Variants in VPS13B observed in about 807,000 individuals in gnomAD.
VPS13B encodes the protein vacuolar protein sorting 13 homolog B, also known as intermembrane lipid transfer protein VPS13B.
A neutral mutation model predicts 426.4 loss-of-function variants in VPS13B; 285 were observed. That is an observed-to-expected ratio of 0.67 (90% confidence interval 0.61 to 0.74). The LOEUF (loss-of-function observed/expected upper bound fraction) is 0.74. VPS13B is among the 30% of genes least tolerant of loss of function. VPS13B has a pLI of 0.00. For synonymous variants in VPS13B, 1,676 were observed against 1,676.4 expected (o/e 1.00, Z 0.01); for missense variants, 4,537 against 4,782.6 (o/e 0.95, Z 1.51).
intron 17 of VPS13B, among the ~76,000 whole-genome samples, chr8:99,255,795 A>C (rs1817715686): frequency 6.6e-6 from 1 of 151,866 alleles, no homozygotes; most frequent in African/African-American, 2.4e-5. Context: ...AGGTTGGTAA[A>C]ATTTTTGACT....
At chr8:99,696,689 A>G in intron 35 of VPS13B, 1 of 779,146 alleles carries the variant, frequency 1.3e-6, no homozygotes, top group Admixed American at 1.7e-5. Context: ...AGAACATAGC[A>G]GCCAAGGGCA....
intron 29 of VPS13B, among the ~76,000 whole-genome samples, chr8:99,514,639 A>G (rs750557872): frequency 6.6e-6 from 1 of 152,210 alleles, no homozygotes; most frequent in Non-Finnish European, 1.5e-5. Flanking sequence ...GCTGAATAAT[A>G]TTGTTTTGTA....
In VPS13B at chr8:99,511,395, G is replaced by C; in HGVS notation, c.4516G>C (p.Gly1506Arg). 6.2e-7 allele frequency: 1 copy of C among 1,613,788 alleles called. No individual in the cohort carries two copies. Among genetic ancestry groups the C allele is most frequent in the Non-Finnish European group, 8.5e-7 (1 of 1,179,958 alleles). ...KTQKEKRKSP[G>R]QPMRTHTLTS... is the part of the protein sequence containing the mutation. ...CCAAAAAGAGAAAAGAAAATCTCCTGGTCAGCCCATGAGGACCCATACACT... is the reference window on the plus strand; with the variant it reads ...CCAAAAAGAGAAAAGAAAATCTCCTCGTCAGCCCATGAGGACCCATACACT... Residue 1506 changes from glycine (G) to arginine (R), a missense_variant, in exon 29 of 62, where the codon GGT becomes CGT. Transcript: ENST00000357162.
At chr8:99,308,232 A>C (rs913358102) in intron 19 of VPS13B, among the ~76,000 whole-genome samples, 16 of 151,654 alleles carry the variant, frequency 1.1e-4, no homozygotes, top group African/African-American at 3.9e-4. Flanking sequence ...CACAACGTGC[A>C]GGTTAGTTAC....
intron 43 of VPS13B, chr8:99,796,905 G>A (rs1012165913): frequency 6.6e-6 from 1 of 152,194 alleles, no homozygotes; most frequent in East Asian, 1.9e-4. Flanking sequence ...AAGGCCTATT[G>A]AACCTGGGCT....
intron 31 of VPS13B, among the ~76,000 whole-genome samples, chr8:99,569,371 G>T (rs924405766): frequency 4.0e-5 from 6 of 151,480 alleles, no homozygotes; most frequent in Non-Finnish European, 8.8e-5. Context: ...AGAGGTTGCA[G>T]TGAGCCAAGA....
intron 23 of VPS13B, among the ~76,000 whole-genome samples, chr8:99,451,122 A>T (rs1818176190): frequency 6.6e-6 from 1 of 152,190 alleles, no homozygotes; most frequent in African/African-American, 2.4e-5. Flanking sequence ...TGTAAAAATG[A>T]CATAAATTTG....
chr8:99,281,207 G>T (rs1819152086), intron 19 of VPS13B, among the ~76,000 whole-genome samples: 1 of 152,220 alleles, frequency 6.6e-6, no homozygotes. Context: ...CTGCTGATCT[G>T]ACAGGAGGCA....
intron 3 of VPS13B, among the ~76,000 whole-genome samples, chr8:99,083,578 A>T (rs777995498): frequency 4.7e-4 from 67 of 142,920 alleles, no homozygotes; most frequent in Admixed American, 1.2e-3. Context: ...ATTCAATATG[A>T]TGTTGGCTGT....
chr8:99,802,301 G>A (rs1451570054), intron 43 of VPS13B, among the ~76,000 whole-genome samples: 1 of 152,066 alleles, frequency 6.6e-6, no homozygotes, highest in African/African-American at 2.4e-5. Context: ...GAGATGAACT[G>A]AAGATCATGT....
chr8:99,130,111 A>G (rs1268742840), intron 8 of VPS13B, among the ~76,000 whole-genome samples: 1 of 152,216 alleles, frequency 6.6e-6, no homozygotes, highest in Non-Finnish European at 1.5e-5. Context: ...TCAATAGTTA[A>G]TATATCTTTT....
At chr8:99,549,951 G>A (rs1044335238) in intron 30 of VPS13B, among the ~76,000 whole-genome samples, 1 of 152,018 alleles carries the variant, frequency 6.6e-6, no homozygotes, top group African/African-American at 2.4e-5. Context: ...TGGGTCAGGT[G>A]TCCCTTCTAT....
chr8:99,156,656 T>C lies in VPS13B; in HGVS notation c.2121T>C (p.Tyr707=). The C allele has an allele frequency of 6.2e-7, 1 of 1,614,128 alleles. No homozygotes were observed. The highest frequency in any genetic ancestry group is 2.2e-5 in the East Asian group (1 of 44,870). ...ATCTGGAACATTCAGTGCCAATGTA[T>C]GCTGAACAGTTGGTGCATGTGGTCA... ...KINLEHSVPM[Y]AEQLVHVVSS... is the part of the protein sequence containing the mutation. Residue 707 remains tyrosine (Y), a synonymous_variant, in exon 15 of 62, where the codon TAT becomes TAC. Coordinates refer to ENST00000357162, the MANE Select transcript of VPS13B (RefSeq NM_152564.5).
At chr8:99,240,492 G>A (rs1816865968) in intron 17 of VPS13B, among the ~76,000 whole-genome samples, 1 of 152,100 alleles carries the variant, frequency 6.6e-6, no homozygotes. Flanking sequence ...AAGTACATAT[G>A]AATAAAAGGG....
chr8:99,111,745 T>G (rs941678668), intron 6 of VPS13B, among the ~76,000 whole-genome samples: 1 of 152,174 alleles, frequency 6.6e-6, no homozygotes, highest in African/African-American at 2.4e-5. Flanking sequence ...TAGCTTTTGA[T>G]TTATGATTTT....
intron 24 of VPS13B, among the ~76,000 whole-genome samples, chr8:99,479,798 T>G (rs1359252746): frequency 6.6e-6 from 1 of 152,240 alleles, no homozygotes; most frequent in Non-Finnish European, 1.5e-5. Flanking sequence ...GTTAACTACC[T>G]GTCAATGTAT....
chr8:99,361,739 A>C (rs1157195575), intron 19 of VPS13B, among the ~76,000 whole-genome samples: 1 of 152,206 alleles, frequency 6.6e-6, no homozygotes, highest in South Asian at 2.1e-4. Context: ...GTGCTGGAAC[A>C]TGATGCCTGT....
intron 31 of VPS13B, among the ~76,000 whole-genome samples, chr8:99,572,917 C>G (rs935516252): frequency 2.0e-5 from 3 of 152,188 alleles, no homozygotes; most frequent in African/African-American, 7.2e-5. Flanking sequence ...ACAGTCCCAC[C>G]AACAGTGTAA....
intron 43 of VPS13B, among the ~76,000 whole-genome samples, 186 bp from the exon 44 acceptor site, chr8:99,809,189 A>G (rs1813569996): frequency 6.6e-6 from 1 of 152,230 alleles, no homozygotes; most frequent in South Asian, 2.1e-4. Context: ...CATTGACTCT[A>G]TGTGACATAT....
Sources: gnomAD v4.1 joint callset for allele counts (sites outside exome capture counted in the v4.1 genomes callset) on GRCh38, gnomAD v4.1.1 for gene constraint, MANE v1.5 for transcripts, NCBI Gene and HGNC (gene_info 2026-07-23, HGNC 2026-07-21) for gene names.